The following GRID2 variants were observed in gnomAD, a reference collection of about 807,000 sequenced individuals.
GRID2 encodes glutamate receptor ionotropic, delta-2.
GRID2 carries 33 observed loss-of-function variants against 114.8 expected under a neutral mutation model. The observed-to-expected ratio is 0.29, with a 90% CI of 0.22 to 0.38. GRID2 has a LOEUF of 0.38. GRID2 is among the 10% of genes least tolerant of loss of function. The pLI, the probability that GRID2 is intolerant of heterozygous loss-of-function variation, is 1.00. For synonymous variants in GRID2, 505 were observed against 449.9 expected (o/e 1.12, Z -1.55); for missense variants, 1,184 against 1,257.7 (o/e 0.94, Z 0.89).
chr4:92,748,641 TTATTA>T (rs1737277191), intron 2 of GRID2, among the ~76,000 whole-genome samples: 1 of 134,118 alleles, frequency 7.5e-6, no homozygotes, highest in South Asian at 2.4e-4. Flanking sequence ...TGTATTATTA[TTATTA>T]TTATTATTAT....
chr4:92,627,204 A>G (rs1037355506), intron 2 of GRID2, among the ~76,000 whole-genome samples: 4 of 152,238 alleles, frequency 2.6e-5, no homozygotes, highest in Non-Finnish European at 2.9e-5. Flanking sequence ...GGAATGGGCA[A>G]CAAACAGTAT....
chr4:92,889,895 A>G (rs1256201180), intron 2 of GRID2, among the ~76,000 whole-genome samples: 2 of 152,200 alleles, frequency 1.3e-5, no homozygotes, highest in African/African-American at 2.4e-5. Flanking sequence ...ACCAAACAGC[A>G]TGGTACTGGT....
chr4:93,534,993 G>A (rs1367276471), intron 13 of GRID2, among the ~76,000 whole-genome samples: 1 of 151,500 alleles, frequency 6.6e-6, no homozygotes. Context: ...AAAATATGTT[G>A]ATCCTTTGAC....
chr4:92,330,062 T>C (rs769053813), intron 1 of GRID2, among the ~76,000 whole-genome samples: 21 of 149,710 alleles, frequency 1.4e-4, no homozygotes, highest in Non-Finnish European at 2.7e-4. Flanking sequence ...AGCAAGAATG[T>C]TAGTGTAGCC....
chr4:93,060,116 A>T (rs982548966), intron 2 of GRID2, among the ~76,000 whole-genome samples: 1 of 152,094 alleles, frequency 6.6e-6, no homozygotes, highest in African/African-American at 2.4e-5. Flanking sequence ...TTGCTTTGGC[A>T]TGAAATGCTG....
intron 2 of GRID2, among the ~76,000 whole-genome samples, chr4:92,843,675 C>G (rs1455284721): frequency 2.0e-5 from 3 of 152,014 alleles, no homozygotes; most frequent in African/African-American, 7.2e-5. Context: ...TACTTGGTTT[C>G]TGTTGAACGA....
At chr4:93,347,948 T>C (rs931512810) in intron 8 of GRID2, among the ~76,000 whole-genome samples, 5 of 152,140 alleles carry the variant, frequency 3.3e-5, no homozygotes, top group Non-Finnish European at 7.4e-5. Context: ...CTCTAAAATA[T>C]GGGTCAGTGA....
chr4:92,704,769 C>T lies in GRID2; in HGVS notation c.244+114483C>T, dbSNP rs1261927825. Among the ~76,000 whole-genome samples, 4 of 143,324 alleles carry T rather than the reference C, an allele frequency of 2.8e-5. No individual in the cohort carries two copies. In the East Asian group the frequency reaches 8.4e-4, roughly 30 times the overall value. The allele number at this position is 143,324 out of a possible 152,430, so 94.0% of individuals were successfully genotyped here. A position where few individuals can be genotyped will look rare whatever the true frequency, so the allele number is the denominator to read the frequency against. On this transcript the variant is annotated intron_variant, in intron 2 of 15. Transcript: ENST00000282020. ...TCCCTCCCTCTCTCCCTCTCTGCCC[C>T]TCCCTCCCTCCCTCCCTCTCTGGGG...
chr4:92,701,703 A>G (rs1734683717), intron 2 of GRID2, among the ~76,000 whole-genome samples: 1 of 152,226 alleles, frequency 6.6e-6, no homozygotes, highest in Non-Finnish European at 1.5e-5. Flanking sequence ...TAAAGCCAGG[A>G]CATATTTTCT....
chr4:93,292,777 G>T (rs72874928), intron 8 of GRID2, among the ~76,000 whole-genome samples: 8,244 of 152,178 alleles, frequency 0.054, 756 homozygotes, highest in African/African-American at 0.19. Flanking sequence ...ATAAAGTTTG[G>T]CTTGCAAGTT....
At chr4:93,161,009 G>A (rs1476312422) in intron 4 of GRID2, among the ~76,000 whole-genome samples, 1 of 151,818 alleles carries the variant, frequency 6.6e-6, no homozygotes, top group Non-Finnish European at 1.5e-5. Flanking sequence ...TGATGTATAT[G>A]GTGACAGTAC....
intron 10 of GRID2, among the ~76,000 whole-genome samples, chr4:93,453,968 T>G (rs1338120302): frequency 1.3e-5 from 2 of 152,040 alleles, no homozygotes; most frequent in African/African-American, 4.8e-5. Context: ...ATTTCACAAA[T>G]AGATTAAACT....
At chr4:92,758,954 T>A (rs2149343932) in intron 2 of GRID2, among the ~76,000 whole-genome samples, 1 of 152,320 alleles carries the variant, frequency 6.6e-6, no homozygotes, top group Non-Finnish European at 1.5e-5. Context: ...CAAACAAATA[T>A]GGAATATTTA....
chr4:93,484,685 G>A (rs561208974), intron 11 of GRID2, among the ~76,000 whole-genome samples: 1 of 152,026 alleles, frequency 6.6e-6, no homozygotes, highest in South Asian at 2.1e-4. Context: ...TTTGAACACA[G>A]TTTGAACAGT....
At chr4:92,578,667 G>C (rs1728021684) in intron 1 of GRID2, among the ~76,000 whole-genome samples, 1 of 151,986 alleles carries the variant, frequency 6.6e-6, no homozygotes. Context: ...CTTGAGTTCA[G>C]AAGTTCAAGA....
intron 2 of GRID2, chr4:92,822,174 G>T: frequency 2.4e-6 from 1 of 409,176 alleles, no homozygotes; most frequent in Non-Finnish European, 4.8e-6. Context: ...GAGGCCTGTG[G>T]TAGCGCAGAA....
intron 1 of GRID2, among the ~76,000 whole-genome samples, chr4:92,482,883 GTCTA>G (rs1722685224): frequency 6.6e-6 from 1 of 152,044 alleles, no homozygotes; most frequent in African/African-American, 2.4e-5. Flanking sequence ...TAAATTCTAT[GTCTA>G]TCATTGTTTT....
At chr4:93,684,343 C>T (rs1278622255) in intron 14 of GRID2, among the ~76,000 whole-genome samples, 1 of 152,002 alleles carries the variant, frequency 6.6e-6, no homozygotes, top group Non-Finnish European at 1.5e-5. Context: ...CTTAAAAGAT[C>T]TTAGTTTGAA....
At chr4:93,032,063 C>T (rs1311819098) in intron 2 of GRID2, among the ~76,000 whole-genome samples, 1 of 152,116 alleles carries the variant, frequency 6.6e-6, no homozygotes, top group Admixed American at 6.6e-5. Flanking sequence ...AAAGCACAAT[C>T]TCAGTGAGAC....
Sources: gnomAD v4.1 joint callset for allele counts (sites outside exome capture counted in the v4.1 genomes callset) on GRCh38, gnomAD v4.1.1 for gene constraint, MANE v1.5 for transcripts, NCBI Gene and HGNC (gene_info 2026-07-23, HGNC 2026-07-21) for gene names.